The following BAHCC1 variants were observed in gnomAD, a reference collection of about 807,000 sequenced individuals.
The protein encoded by BAHCC1 is BAH domain and coiled-coil containing 1, also known as BAH and coiled-coil domain-containing protein 1.
BAHCC1 carries 43 observed loss-of-function variants against 88.2 expected under a neutral mutation model. The observed-to-expected ratio is 0.49, with a 90% confidence interval of 0.38 to 0.63. BAHCC1 has a LOEUF of 0.63. Ranked by LOEUF, BAHCC1 falls within the 20% of genes least tolerant of loss-of-function variation. The pLI is 0.00. For missense variants in BAHCC1, 3,023 were observed against 1,654.8 expected, an observed-to-expected ratio of 1.83 and a Z score of -14.34; for synonymous variants, 1,510 against 745.5, an observed-to-expected ratio of 2.03 and a Z score of -16.71.
chr17:81,405,433 T>C (rs1395994795), intron 2 of BAHCC1, among the ~76,000 whole-genome samples: 1 of 152,164 alleles, frequency 6.6e-6, no homozygotes, highest in African/African-American at 2.4e-5. Flanking sequence ...ACATCCACCC[T>C]GGGGTTGGAG....
chr17:81,440,848 C>T (rs2064402324), intron 4 of BAHCC1, among the ~76,000 whole-genome samples: 1 of 152,192 alleles, frequency 6.6e-6, no homozygotes, highest in African/African-American at 2.4e-5. Flanking sequence ...CTAGCCCCAG[C>T]AGCCTGAGAC....
At chr17:81,398,842 TGGGGCTGGGGA>T (rs1384157682) in intron 1 of BAHCC1, among the ~76,000 whole-genome samples, 1 of 138,788 alleles carries the variant, frequency 7.2e-6, no homozygotes, top group Non-Finnish European at 1.6e-5. Context: ...CTGGTCCCGC[TGGGGCTGGGGA>T]GGGGGGACCA....
intron 1 of BAHCC1, among the ~76,000 whole-genome samples, chr17:81,398,825 A>T (rs545346796): frequency 6.6e-6 from 1 of 151,414 alleles, no homozygotes; most frequent in Non-Finnish European, 1.5e-5. Context: ...GATGCTGGGG[A>T]CAGGAGCTGG....
chr17:81,397,446 C>T (rs1319653856), intron 1 of BAHCC1, among the ~76,000 whole-genome samples: 1 of 151,938 alleles, frequency 6.6e-6, no homozygotes, highest in African/African-American at 2.4e-5. Flanking sequence ...ACACACGACT[C>T]CCTGGAGGCC....
At chr17:81,420,198 C>T (rs1406283728) in intron 2 of BAHCC1, among the ~76,000 whole-genome samples, 1 of 152,224 alleles carries the variant, frequency 6.6e-6, no homozygotes, top group African/African-American at 2.4e-5. Flanking sequence ...TGTTGCCCTT[C>T]TTAGCCATCC....
chr17:81,423,821 T>C (rs1244127584), intron 2 of BAHCC1, among the ~76,000 whole-genome samples: 1 of 152,134 alleles, frequency 6.6e-6, no homozygotes, highest in Non-Finnish European at 1.5e-5. Flanking sequence ...TGGGCACAGC[T>C]GAGGGGCCAC....
chr17:81,403,865 C>G (rs1349899525), intron 2 of BAHCC1, among the ~76,000 whole-genome samples: 1 of 152,234 alleles, frequency 6.6e-6, no homozygotes, highest in Non-Finnish European at 1.5e-5. Context: ...CCCGCCCCGC[C>G]GAAGCCCTGT....
At chr17:81,441,668 CAAAAA>C (rs11333301) in intron 4 of BAHCC1, among the ~76,000 whole-genome samples, 158 bp from the exon 5 acceptor site, 2 of 91,666 alleles carry the variant, frequency 2.2e-5, no homozygotes, top group East Asian at 3.3e-4. Flanking sequence ...GACTCCGTCT[CAAAAA>C]AAAAAAAAAA....
Position 81,456,446 on chromosome 17 carries a change from G to A in BAHCC1, c.4719G>A (p.Gly1573=). 4.2e-6 allele frequency: 3 copies of A among 722,168 alleles called. No individual in the cohort carries two copies. Among genetic ancestry groups the A allele is most frequent in the Non-Finnish European group, 5.2e-6 (2 of 388,010 alleles). The allele number at this position is 722,168 out of a possible 1,614,324, so 44.7% of individuals were successfully genotyped here. A position where few individuals can be genotyped will look rare whatever the true frequency, so the allele number is the denominator to read the frequency against. ...AGCAGAAGGAGGCTACCCCCGGGGG[G>A]CGCATCCGGGAGAAGCTGTCCCGAG... The part of the protein sequence containing the change: ...SFQQKEATPG[G]RIREKLSRAK... The change falls in exon 16 of 28, where the codon GGG becomes GGA. Residue 1573 remains glycine (G), a synonymous_variant. Coordinates refer to ENST00000675386, the MANE Select transcript of BAHCC1 (RefSeq NM_001377448.1).
intron 11 of BAHCC1, among the ~76,000 whole-genome samples, chr17:81,449,556 C>T (rs1231591273): frequency 6.6e-6 from 1 of 152,196 alleles, no homozygotes; most frequent in East Asian, 1.9e-4. Context: ...CCTGCAAGGG[C>T]AGGGGAGGCA....
chr17:81,440,037 A>G (rs781966102), intron 4 of BAHCC1, among the ~76,000 whole-genome samples: 13 of 152,168 alleles, frequency 8.5e-5, no homozygotes, highest in Non-Finnish European at 1.9e-4. Context: ...GGGAGCAGGC[A>G]TGGGGGCCAG....
At chr17:81,396,172 C>G (rs782261142) in intron 1 of BAHCC1, 1 of 152,292 alleles carries the variant, frequency 6.6e-6, no homozygotes, top group African/African-American at 2.4e-5. Context: ...GGGAACTGGC[C>G]GGGTCGTGGT....
intron 3 of BAHCC1, among the ~76,000 whole-genome samples, chr17:81,433,789 A>G (rs556370130): frequency 6.6e-6 from 1 of 152,262 alleles, no homozygotes; most frequent in Non-Finnish European, 1.5e-5. Context: ...TCCGTCAACT[A>G]CAGCACTTTG....
intron 2 of BAHCC1, among the ~76,000 whole-genome samples, chr17:81,420,006 C>T (rs1456453999): frequency 6.6e-6 from 1 of 152,086 alleles, no homozygotes; most frequent in Non-Finnish European, 1.5e-5. Context: ...TGGGGTGGGG[C>T]ACAGTGGGCA....
intron 2 of BAHCC1, among the ~76,000 whole-genome samples, chr17:81,426,475 T>G: frequency 2.1e-5 from 3 of 143,762 alleles, no homozygotes; most frequent in African/African-American, 2.6e-5. Context: ...TTGGGGGTGA[T>G]AGTGGTGGGT....
At chr17:81,416,473 G>GTGTT (rs2064029365) in intron 2 of BAHCC1, among the ~76,000 whole-genome samples, 2 of 151,146 alleles carry the variant, frequency 1.3e-5, no homozygotes, top group Non-Finnish European at 3.0e-5. Context: ...GTGTGTGTGT[G>GTGTT]TGTGTGTCCA....
rs1218647528 is a variant in BAHCC1 at position 81,400,697 on chromosome 17, G to GA, written c.178+780_178+781insA. 2.0e-5 allele frequency: 3 copies of GA among 153,686 alleles called. No homozygotes were observed. In the Admixed American group the frequency reaches 2.0e-4, roughly 10 times the overall value. The allele number at this position is 153,686 out of a possible 1,614,324, so 9.5% of individuals were successfully genotyped here. A position where few individuals can be genotyped will look rare whatever the true frequency, so the allele number is the denominator to read the frequency against. ...GGATTTGCTCCAAGAGGAGAGCGTG[G>GA]GGCGCCGTGCTGGGCCTCGCAGGGA... On this transcript the variant is annotated intron_variant, in intron 2 of 27. Coordinates refer to ENST00000675386, the MANE Select transcript of BAHCC1 (RefSeq NM_001377448.1).
chr17:81,448,677 G>A (rs1343201821), intron 11 of BAHCC1, among the ~76,000 whole-genome samples: 4 of 152,204 alleles, frequency 2.6e-5, no homozygotes, highest in African/African-American at 4.8e-5. Context: ...GAATGTTCTC[G>A]AACAGTGCAT....
intron 2 of BAHCC1, among the ~76,000 whole-genome samples, chr17:81,425,807 CGTG>C (rs782372795): frequency 8.0e-5 from 5 of 62,700 alleles, no homozygotes; most frequent in East Asian, 1.0e-3. Context: ...GATGGTGGGT[CGTG>C]GTGGTGGTGG....
Sources: allele counts gnomAD v4.1 joint callset (sites outside exome capture counted in the v4.1 genomes callset), GRCh38; gene constraint gnomAD v4.1.1; transcripts MANE v1.5; gene names NCBI Gene and HGNC (gene_info 2026-07-23, HGNC 2026-07-21).